The following CEP72 variants were observed in gnomAD, a reference collection of about 807,000 sequenced individuals.
CEP72 encodes centrosomal protein of 72 kDa.
Under a neutral mutation model 65.7 loss-of-function variants are expected in CEP72, and 78 were observed. The ratio of observed to expected loss-of-function variants is 1.19; its 90% CI spans 0.99 to 1.43. The LOEUF is 1.43. Among genes scored for constraint, CEP72 ranks in the 40% most tolerant of loss-of-function variants. The pLI is 0.00. For missense variants in CEP72, 914 were observed against 832.9 expected, an observed-to-expected ratio of 1.10 and a Z score of -1.20; for synonymous variants, 358 against 351.7, an observed-to-expected ratio of 1.02 and a Z score of -0.20.
chr5:640,595 C>G lies in CEP72; in HGVS notation c.1530C>G (p.His510Gln), dbSNP rs763232947. The G allele has an allele frequency of 2.5e-6, 4 of 1,611,866 alleles. No homozygotes were observed. The highest frequency in any genetic ancestry group is 1.1e-5 in the South Asian group (1 of 90,998). Reference sequence around the variant, plus strand: ...TGACGGCGGAGCTGCACCACACACACAAGGAGCTGGTGAGCCCGCCCTGGC... The same window carrying G: ...TGACGGCGGAGCTGCACCACACACAGAAGGAGCTGGTGAGCCCGCCCTGGC... ...SEVTAELHHT[H>Q]KELDDLRQHL... The change falls in exon 9 of 12, where the codon CAC becomes CAG. Residue 510 changes from histidine to glutamine, a missense_variant. Coordinates refer to ENST00000264935, the MANE Select transcript of CEP72 (RefSeq NM_018140.4).
In CEP72 at chr5:647,919, G is replaced by C. The variant is rs1738529298; in HGVS notation, c.1778+3G>C. ...CAGATGCTGCAGGAGAGCCACAGGT[G>C]CCTGCCCGTGAGACTTGGGTGGGCC... is the stretch of plus-strand genomic sequence containing the variant. On this transcript the variant is annotated splice_donor_region_variant and intron_variant, in intron 11 of 11. Coordinates refer to ENST00000264935, the MANE Select transcript of CEP72 (RefSeq NM_018140.4). The C allele has an allele frequency of 6.2e-7, 1 of 1,605,466 alleles. No individual in the cohort carries two copies.
intron 3 of CEP72, among the ~76,000 whole-genome samples, chr5:620,845 G>T (rs1282039565): frequency 6.6e-6 from 1 of 152,236 alleles, no homozygotes; most frequent in Non-Finnish European, 1.5e-5. Context: ...GGGTCCCTGG[G>T]TTGGGGCAGC....
At chr5:622,221 C>G (rs1348800728) in intron 3 of CEP72, among the ~76,000 whole-genome samples, 1 of 152,220 alleles carries the variant, frequency 6.6e-6, no homozygotes, top group African/African-American at 2.4e-5. Context: ...TAAAGGAGTC[C>G]TCTTGGAAGA....
chr5:613,571 T>A (rs1015369118), intron 1 of CEP72, among the ~76,000 whole-genome samples: 4 of 152,212 alleles, frequency 2.6e-5, no homozygotes, highest in African/African-American at 2.4e-5. Context: ...TTCACCATGT[T>A]GGCCAGGCTG....
At chr5:643,650 C>A (rs77037535) in intron 9 of CEP72, 1 of 985,216 alleles carries the variant, frequency 1.0e-6, no homozygotes, top group Non-Finnish European at 1.2e-6. Context: ...CCTGCTGGTG[C>A]CTGAGAGAGC....
At position 628,850 on chromosome 5, in the gene CEP72, G is replaced by C. The variant is rs76289485; in HGVS notation, c.512+4271G>C. On this transcript the variant is annotated intron_variant, in intron 4 of 11. Coordinates refer to ENST00000264935, the MANE Select transcript of CEP72 (RefSeq NM_018140.4). The stretch of plus-strand genomic sequence containing the variant: ...CCAGGGAGTGGCCCCAGGACCCAGC[G>C]CCCTTCTTTGTGCAGCGTTCTGGAG... 7.0e-3 allele frequency among the ~76,000 whole-genome samples: 607 copies of C among 87,318 alleles called. 11 individuals carry two copies. Among genetic ancestry groups the C allele is most frequent in the East Asian group, 0.02 (35 of 1,764 alleles). 57.3% of individuals were successfully genotyped at this position (87,318 alleles called of 152,430 possible).
intron 10 of CEP72, among the ~76,000 whole-genome samples, chr5:646,758 G>T (rs1244578330): frequency 1.3e-5 from 2 of 152,378 alleles, no homozygotes; most frequent in African/African-American, 2.4e-5. Context: ...TCCCAAGGGA[G>T]CAAAGGACAC....
chr5:668,233 G>A (rs1376454062), downstream of CEP72, among the ~76,000 whole-genome samples: 3 of 85,188 alleles, frequency 3.5e-5, 1 homozygote, highest in Admixed American at 2.2e-4. Context: ...AGGGGGCCGT[G>A]TGGGCGCCGT....
intron 1 of CEP72, among the ~76,000 whole-genome samples, chr5:614,444 A>ATTTT (rs11350475): frequency 1.4e-4 from 13 of 93,814 alleles, no homozygotes; most frequent in African/African-American, 4.2e-4. Flanking sequence ...TGACCTGTGA[A>ATTTT]TTTTTTTTTT....
Position 633,900 on chromosome 5 carries a change from C to T in CEP72, c.644C>T (p.Thr215Met), listed in dbSNP as rs769580127. 11 of 1,613,074 alleles carry T rather than the reference C, an allele frequency of 6.8e-6. No individual in the cohort carries two copies. Among genetic ancestry groups the T allele is most frequent in the East Asian group, 2.2e-5 (1 of 44,900 alleles). ...GACCTCGGCAGGCCTCCCGGGAGCA[C>T]GAGCTTCAGCCAGAAGGGGCGTGAG... ...EWDLGRPPGS[T>M]SFSQKGREAD... is the part of the protein sequence containing the mutation. The change falls in exon 5 of 12, where the codon ACG becomes ATG. Residue 215 changes from threonine (T) to methionine (M), a missense_variant. Physicochemically the swap from Thr to Met is moderately conservative, Grantham distance 81. Coordinates refer to ENST00000264935, the MANE Select transcript of CEP72 (RefSeq NM_018140.4).
Position 623,372 on chromosome 5 carries a change from G to C in CEP72, c.404-1099G>C, listed in dbSNP as rs1267709547. On this transcript the variant is annotated intron_variant, in intron 3 of 11. Coordinates refer to ENST00000264935, the MANE Select transcript of CEP72 (RefSeq NM_018140.4). This position sits in a 1 kb window ranked among gnomAD's most constrained non-coding sequence, Gnocchi z 5.3. ...GTGGGCTCGGTCCTTGGCTCCGCGT[G>C]GGTCATGGAAAGGCCCCGGTGGTGG... 1.7e-4 allele frequency among the ~76,000 whole-genome samples: 26 copies of C among 152,246 alleles called. No homozygotes were observed. Among genetic ancestry groups the C allele is most frequent in the Admixed American group, 1.7e-3 (26 of 15,292 alleles).
In CEP72 at chr5:614,509, C is replaced by T. The variant is rs143669685; in HGVS notation, c.82+2066C>T. Among the ~76,000 whole-genome samples, 195 of 142,274 alleles carry T rather than the reference C, an allele frequency of 1.4e-3. 1 individual carries two copies. The highest frequency in any genetic ancestry group is 4.8e-3 in the African/African-American group (181 of 37,656). 93.3% of individuals were successfully genotyped at this position (142,274 alleles called of 152,430 possible). A position where few individuals can be genotyped will look rare whatever the true frequency, so the allele number is the denominator to read the frequency against. ...TGTCACCCAGGCTGGAGTGCAGTGACGCAATCTTGGCTCATTGAAAGCTCT... is the reference window on the plus strand; with the variant it reads ...TGTCACCCAGGCTGGAGTGCAGTGATGCAATCTTGGCTCATTGAAAGCTCT... On this transcript the variant is annotated intron_variant, in intron 1 of 11. Coordinates refer to ENST00000264935, the MANE Select transcript of CEP72 (RefSeq NM_018140.4).
intron 7 of CEP72, 66 bp downstream of exon 7, chr5:637,884 T>C (rs1157389284): frequency 7.1e-7 from 1 of 1,410,538 alleles, no homozygotes; most frequent in Non-Finnish European, 9.4e-7. Flanking sequence ...CTGTTACGGC[T>C]TTGGCGGGGC....
chr5:637,677 G>C lies in CEP72; in HGVS notation c.1065G>C (p.Glu355Asp), dbSNP rs1737704553. 1 of 1,613,972 alleles carries C rather than the reference G, an allele frequency of 6.2e-7. No homozygotes were observed. Among genetic ancestry groups the C allele is most frequent in the Admixed American group, 1.7e-5 (1 of 60,024 alleles). The change falls in exon 7 of 12, where the codon GAG (glutamate) becomes GAC (aspartate). Residue 355 changes from glutamate (E) to aspartate (D), a missense_variant. Transcript: ENST00000264935. ...FSDQEGLGCPERTHGSSVPKE... is the reference protein window; with the variant it reads ...FSDQEGLGCPDRTHGSSVPKE... ...ACCAGGAGGGTTTGGGCTGCCCGGA[G>C]AGAACTCATGGGTCCTCCGTGCCCA...
Position 645,182 on chromosome 5 carries a change from C to T in CEP72, c.1666+757C>T, listed in dbSNP as rs1270000408. 6.6e-6 allele frequency among the ~76,000 whole-genome samples: 1 copy of T among 151,912 alleles called. No homozygotes were observed. The highest frequency in any genetic ancestry group is 1.9e-4 in the East Asian group (1 of 5,156). ...ACCGTTTCAGGGCGTGTGGGTCTCACGATGTCTGTCCCAACCAGCGGTGGC... is the reference window on the plus strand; with the variant it reads ...ACCGTTTCAGGGCGTGTGGGTCTCATGATGTCTGTCCCAACCAGCGGTGGC... On this transcript the variant is annotated intron_variant, in intron 10 of 11. Transcript: ENST00000264935. This position sits in a 1 kb window ranked among gnomAD's most constrained non-coding sequence, Gnocchi z 4.0.
rs758608918 is a variant in CEP72, at chr5:645,407, C to T, written c.1666+982C>T. 4.6e-5 allele frequency among the ~76,000 whole-genome samples: 7 copies of T among 150,908 alleles called. No homozygotes were observed. The highest frequency in any genetic ancestry group is 1.2e-4 in the African/African-American group (5 of 40,948). ...CTTTAAGATACTGTTATATTTACAACGGGTCCTTGAATAACCGTGTCCATT... is the reference window on the plus strand; with the variant it reads ...CTTTAAGATACTGTTATATTTACAATGGGTCCTTGAATAACCGTGTCCATT... On this transcript the variant is annotated intron_variant, in intron 10 of 11. Coordinates refer to ENST00000264935, the MANE Select transcript of CEP72 (RefSeq NM_018140.4). This position sits in a 1 kb window ranked among gnomAD's most constrained non-coding sequence, Gnocchi z 4.0.
chr5:676,056 G>A, the CEP72 span: 1 of 152,218 alleles, frequency 6.6e-6, no homozygotes, highest in Non-Finnish European at 1.5e-5. Context: ...AGACGAACAG[G>A]ACTCGCTGGC....
rs768328543 is a variant in CEP72, at chr5:639,210, A to G, written c.1328A>G (p.Asn443Ser). The change falls in exon 8 of 12, where the codon AAC (asparagine) becomes AGC (serine). Residue 443 changes from asparagine to serine, a missense_variant. Coordinates refer to ENST00000264935, the MANE Select transcript of CEP72 (RefSeq NM_018140.4). ...GGCGGCTGCAGGTCCCTGCACAGCA[A>G]CGAGGCATTCCTTGGTGAGTCAGGG... is the stretch of plus-strand genomic sequence containing the variant. ...SWGGCRSLHS[N>S]EAFLAQARHI... The G allele has an allele frequency of 6.3e-7, 1 of 1,583,178 alleles. No homozygotes were observed. The highest frequency in any genetic ancestry group is 8.6e-7 in the Non-Finnish European group (1 of 1,160,178).
chr5:648,482 T>C (rs1261456067), intron 11 of CEP72, among the ~76,000 whole-genome samples: 3 of 132,412 alleles, frequency 2.3e-5, no homozygotes, highest in African/African-American at 2.8e-5. Flanking sequence ...GACTGTGAGG[T>C]ATGACTGTGA....
Sources: gnomAD v4.1 joint callset for allele counts (sites outside exome capture counted in the v4.1 genomes callset) on GRCh38, gnomAD v4.1.1 for gene constraint, Gnocchi (gnomAD v3.1) non-coding constraint, MANE v1.5 for transcripts, NCBI Gene and HGNC (gene_info 2026-07-23, HGNC 2026-07-21) for gene names.